KANSL1: variants seen among roughly 807,000 people sequenced by gnomAD.
The protein encoded by KANSL1 is KAT8 regulatory NSL complex subunit 1.
KANSL1 carries 22 observed loss-of-function variants against 103.6 expected under a neutral mutation model. The observed-to-expected ratio is 0.21, with a 90% CI of 0.15 to 0.30. The LOEUF is 0.30. Ranked by LOEUF, KANSL1 falls within the 10% of genes least tolerant of loss-of-function variation. The probability of loss-of-function intolerance (pLI) is 1.00; values close to 1 mark genes in which losing one functional copy is unlikely to be tolerated. For missense variants in KANSL1, 1,337 were observed against 1,399.8 expected (o/e 0.96, Z 0.72); for synonymous variants, 600 against 527.6 (o/e 1.14, Z -1.88).
chr17:46,153,628 C>T (rs1023092068), intron 2 of KANSL1, among the ~76,000 whole-genome samples: 2 of 152,100 alleles, frequency 1.3e-5, no homozygotes, highest in East Asian at 3.8e-4. Flanking sequence ...TTGGAGGTGA[C>T]GGAGTTAAAG....
At chr17:46,132,185 A>G (rs1031723968) in intron 2 of KANSL1, among the ~76,000 whole-genome samples, 9 of 152,198 alleles carry the variant, frequency 5.9e-5, no homozygotes, top group African/African-American at 1.7e-4. Flanking sequence ...AAACCAAAGG[A>G]AGCAATTCAT....
In KANSL1 at chr17:46,039,720, A is replaced by G. The variant is rs2077256793; in HGVS notation, c.2185T>C (p.Ser729Pro). Reference sequence around the variant, plus strand: ...CACTTACTGGCTGTTGTTAGGAAGGAGCTGACCAATTTGTGCCTGTCCTTA... The same window carrying G: ...CACTTACTGGCTGTTGTTAGGAAGGGGCTGACCAATTTGTGCCTGTCCTTA... ...ARKDRHKLVSSFLTTAKLSHH... is the reference protein window; with the variant it reads ...ARKDRHKLVSPFLTTAKLSHH... Residue 729 changes from serine to proline, a missense_variant, in exon 8 of 15, where the codon TCC becomes CCC. Physicochemically the swap from Ser to Pro is moderately conservative, Grantham distance 74. This residue lies in a region of KANSL1 where 780 missense variants were observed against 923.4 expected (regional missense o/e 0.84). Coordinates refer to ENST00000432791, the MANE Select transcript of KANSL1 (RefSeq NM_015443.4). 2 of 1,613,830 alleles carry G rather than the reference A, an allele frequency of 1.2e-6. No homozygotes were observed. Among genetic ancestry groups the G allele is most frequent in the Non-Finnish European group, 8.5e-7 (1 of 1,179,924 alleles).
At chr17:46,209,518 G>A (rs1037641759) in intron 1 of KANSL1, among the ~76,000 whole-genome samples, 12 of 152,180 alleles carry the variant, frequency 7.9e-5, no homozygotes, top group African/African-American at 2.7e-4. Context: ...TTTTGAGACA[G>A]AGTCTCACTC....
At chr17:46,160,601 C>A (rs1198865661) in intron 2 of KANSL1, among the ~76,000 whole-genome samples, 2 of 152,194 alleles carry the variant, frequency 1.3e-5, no homozygotes, top group South Asian at 2.1e-4. Flanking sequence ...TATAACCCAT[C>A]CAACTTCTAC....
At chr17:46,102,450 G>A (rs553702726) in intron 2 of KANSL1, among the ~76,000 whole-genome samples, 27 of 152,088 alleles carry the variant, frequency 1.8e-4, no homozygotes, top group Admixed American at 1.1e-3. Context: ...GGGTTTTGCC[G>A]TGTTGGCCAG....
intron 4 of KANSL1, among the ~76,000 whole-genome samples, chr17:46,080,999 C>G (rs2078970127): frequency 6.6e-6 from 1 of 152,048 alleles, no homozygotes. Flanking sequence ...ATTTAACACA[C>G]AAGTAAATGA....
At chr17:46,139,100 A>G (rs2044292590) in intron 2 of KANSL1, among the ~76,000 whole-genome samples, 1 of 152,256 alleles carries the variant, frequency 6.6e-6, no homozygotes, top group African/African-American at 2.4e-5. Context: ...ATGGAAAACC[A>G]GAAGTCTTTC....
chr17:46,146,405 A>G (rs1484045654), intron 2 of KANSL1, among the ~76,000 whole-genome samples: 1 of 152,220 alleles, frequency 6.6e-6, no homozygotes, highest in East Asian at 1.9e-4. Context: ...GCTGGTACTC[A>G]GTCTTATGAT....
At chr17:46,183,911 C>CA (rs1348878734) in intron 1 of KANSL1, among the ~76,000 whole-genome samples, 6 of 151,874 alleles carry the variant, frequency 4.0e-5, no homozygotes, top group Non-Finnish European at 8.8e-5. Context: ...AGACTGTCTC[C>CA]AAAAAAACAA....
rs1237821111 is a variant in KANSL1, at chr17:46,039,165, C to T, written c.2254G>A (p.Asp752Asn). The T allele has an allele frequency of 6.2e-7, 1 of 1,609,190 alleles. No individual in the cohort carries two copies. Among genetic ancestry groups the T allele is most frequent in the South Asian group, 1.1e-5 (1 of 90,454 alleles). ...RPDRTHRQHL[D>N]DVGAVPMVER... ...ACCATGGGCACGGCCCCCACATCGT[C>T]TAAGTGCTGCCTGTGGGTCCTGTCA... Residue 752 changes from aspartate (D) to asparagine (N), a missense_variant, in exon 9 of 15, where the codon GAC becomes AAC. By Grantham distance (23) the Asp-to-Asn change is conservative. Transcript: ENST00000432791.
intron 2 of KANSL1, among the ~76,000 whole-genome samples, chr17:46,141,184 GT>G (rs1285569161): frequency 6.6e-6 from 1 of 152,038 alleles, no homozygotes; most frequent in Non-Finnish European, 1.5e-5. Context: ...TGTTTATCTG[GT>G]TCTTTGAACT....
intron 6 of KANSL1, among the ~76,000 whole-genome samples, chr17:46,066,071 T>G (rs950440030): frequency 2.6e-5 from 4 of 152,148 alleles, no homozygotes; most frequent in East Asian, 3.8e-4. Context: ...TTTTCCAGGC[T>G]GGTATTCAAT....
chr17:46,220,698 G>A (rs547743797), intron 1 of KANSL1, among the ~76,000 whole-genome samples: 71 of 152,308 alleles, frequency 4.7e-4, no homozygotes, highest in African/African-American at 1.6e-3. Flanking sequence ...TGTTGTTGCT[G>A]TTGTTTGAGA....
chr17:46,177,656 G>A (rs940595226), intron 1 of KANSL1, among the ~76,000 whole-genome samples: 11 of 152,066 alleles, frequency 7.2e-5, no homozygotes, highest in Non-Finnish European at 1.2e-4. Context: ...TTGTTTCTTG[G>A]CTTATGTAAA....
intron 3 of KANSL1, among the ~76,000 whole-genome samples, chr17:46,087,493 T>C (rs2079210595): frequency 6.6e-6 from 1 of 152,222 alleles, no homozygotes; most frequent in Non-Finnish European, 1.5e-5. Context: ...TGCAAGGTAG[T>C]GTGAAAACAC....
At chr17:46,205,537 T>C (rs1257032777) in intron 1 of KANSL1, among the ~76,000 whole-genome samples, 3 of 151,920 alleles carry the variant, frequency 2.0e-5, no homozygotes, top group Non-Finnish European at 4.4e-5. Flanking sequence ...AAAAATTAGT[T>C]GGGTGTGGTG....
intron 2 of KANSL1, among the ~76,000 whole-genome samples, chr17:46,162,959 C>A (rs1321426630): frequency 6.6e-6 from 1 of 152,180 alleles, no homozygotes; most frequent in Non-Finnish European, 1.5e-5. Context: ...CCTTCTCACC[C>A]ACCAATTCCT....
At chr17:46,105,617 A>G (rs78381082) in intron 2 of KANSL1, among the ~76,000 whole-genome samples, 8 of 151,908 alleles carry the variant, frequency 5.3e-5, no homozygotes, top group Admixed American at 2.0e-4. Context: ...CCCTGTCTCA[A>G]AAAAACAAAA....
intron 1 of KANSL1, among the ~76,000 whole-genome samples, chr17:46,215,436 G>C (rs1450725579): frequency 6.6e-6 from 1 of 152,230 alleles, no homozygotes; most frequent in Non-Finnish European, 1.5e-5. Context: ...GCTTGAACAT[G>C]CATTTTACAA....
Sources: allele counts gnomAD v4.1 joint callset (sites outside exome capture counted in the v4.1 genomes callset), GRCh38; gene constraint gnomAD v4.1.1; regional missense constraint gnomAD v4.1.1; transcripts MANE v1.5; gene names NCBI Gene and HGNC (gene_info 2026-07-23, HGNC 2026-07-21).